Variants in GRID2 observed in about 807,000 individuals in gnomAD.
GRID2 encodes the protein glutamate receptor ionotropic, delta-2.
GRID2 carries 33 observed loss-of-function variants against 114.8 expected under a neutral mutation model. The observed-to-expected ratio is 0.29, with a 90% confidence interval of 0.22 to 0.38. The LOEUF (loss-of-function observed/expected upper bound fraction) is 0.38, where lower values mean the gene tolerates loss of function less well. Ranked by LOEUF, GRID2 falls within the 10% of genes least tolerant of loss-of-function variation. The probability of loss-of-function intolerance (pLI) is 1.00; values close to 1 mark genes in which losing one functional copy is unlikely to be tolerated. For missense variants in GRID2, 1,184 were observed against 1,257.7 expected, an observed-to-expected ratio of 0.94 and a Z score of 0.89; for synonymous variants, 505 against 449.9, an observed-to-expected ratio of 1.12 and a Z score of -1.55.
At chr4:92,485,057 ATTG>A (rs1216729553) in intron 1 of GRID2, among the ~76,000 whole-genome samples, 2 of 151,212 alleles carry the variant, frequency 1.3e-5, no homozygotes, top group African/African-American at 4.9e-5. Flanking sequence ...TCATTTTGTT[ATTG>A]TTATTTTTAT....
At chr4:92,982,971 G>C (rs1754306544) in intron 2 of GRID2, among the ~76,000 whole-genome samples, 2 of 151,930 alleles carry the variant, frequency 1.3e-5, no homozygotes, top group South Asian at 4.2e-4. Context: ...TATTGCCAAT[G>C]CCAAAAAATA....
At chr4:92,526,270 C>G (rs1215224627) in intron 1 of GRID2, among the ~76,000 whole-genome samples, 1 of 152,094 alleles carries the variant, frequency 6.6e-6, no homozygotes, top group Non-Finnish European at 1.5e-5. Flanking sequence ...AGAATACTAT[C>G]AACACAGCCC....
chr4:92,796,817 C>G (rs1739901946), intron 2 of GRID2, among the ~76,000 whole-genome samples: 1 of 151,744 alleles, frequency 6.6e-6, no homozygotes, highest in Non-Finnish European at 1.5e-5. Context: ...AGACTTTTCC[C>G]CTTCCTCGTC....
intron 1 of GRID2, among the ~76,000 whole-genome samples, chr4:92,537,079 ACTC>A (rs1725673571): frequency 6.6e-6 from 1 of 152,022 alleles, no homozygotes; most frequent in Non-Finnish European, 1.5e-5. Context: ...ATGAATTTAC[ACTC>A]CTCCTCTTTA....
At chr4:92,757,697 T>C (rs935765268) in intron 2 of GRID2, among the ~76,000 whole-genome samples, 6 of 151,910 alleles carry the variant, frequency 3.9e-5, no homozygotes, top group African/African-American at 1.4e-4. Flanking sequence ...CAGAGTTAAT[T>C]TGAGGAGGAA....
intron 2 of GRID2, among the ~76,000 whole-genome samples, chr4:92,752,346 A>G (rs62310232): frequency 0.086 from 13,066 of 152,236 alleles, 635 homozygotes; most frequent in African/African-American, 0.13. Context: ...TGAACACAGT[A>G]AACCAATGAA....
intron 13 of GRID2, among the ~76,000 whole-genome samples, chr4:93,585,083 T>A (rs1224835981): frequency 6.6e-6 from 1 of 152,106 alleles, no homozygotes; most frequent in African/African-American, 2.4e-5. Flanking sequence ...ACCTTGAGCA[T>A]CCCAAAAAAC....
At chr4:93,206,865 G>A (rs1742858045) in intron 4 of GRID2, among the ~76,000 whole-genome samples, 1 of 151,898 alleles carries the variant, frequency 6.6e-6, no homozygotes, top group South Asian at 2.1e-4. Context: ...GATAATTTTA[G>A]AATAGATCAC....
chr4:93,784,485 G>C (rs1016233461), intron 1 of GRID2, among the ~76,000 whole-genome samples: 1 of 152,082 alleles, frequency 6.6e-6, no homozygotes, highest in African/African-American at 2.4e-5. Context: ...TAAAAGCAAT[G>C]CACAAAAAGG....
chr4:92,795,060 T>C (rs1219232082), intron 2 of GRID2, among the ~76,000 whole-genome samples: 1 of 151,428 alleles, frequency 6.6e-6, no homozygotes, highest in East Asian at 2.0e-4. Flanking sequence ...CTCATCATCT[T>C]CACATTGAAA....
intron 4 of GRID2, among the ~76,000 whole-genome samples, chr4:93,121,258 C>T (rs1032177325): frequency 1.3e-5 from 2 of 152,156 alleles, no homozygotes; most frequent in South Asian, 2.1e-4. Flanking sequence ...AACAAATTTC[C>T]GTGTGACCAT....
At chr4:93,561,129 G>A (rs1432070214) in intron 13 of GRID2, among the ~76,000 whole-genome samples, 1 of 152,070 alleles carries the variant, frequency 6.6e-6, no homozygotes, top group Non-Finnish European at 1.5e-5. Context: ...GGGGGAGTCA[G>A]ATAATGGAAT....
chr4:93,083,444 C>G (rs1344234785), intron 2 of GRID2, among the ~76,000 whole-genome samples: 1 of 152,030 alleles, frequency 6.6e-6, no homozygotes, highest in Non-Finnish European at 1.5e-5. Context: ...CCTGTAATCT[C>G]ATCACTTTGG....
Position 93,735,695 on chromosome 4 carries a change from A to G in GRID2, c.2361-33515A>G, listed in dbSNP as rs182292137. Among the ~76,000 whole-genome samples, 13 of 152,208 alleles carry G rather than the reference A, an allele frequency of 8.5e-5. No individual in the cohort carries two copies. In the East Asian group the frequency reaches 2.5e-3, roughly 29 times the overall value. The stretch of plus-strand genomic sequence containing the variant: ...CTTTAGGGCAATGTTGACATTGGCT[A>G]GTCAATAAAATAATGTTTTCTTCTG... On this transcript the variant is annotated intron_variant, in intron 14 of 15. Transcript: ENST00000282020.
intron 2 of GRID2, among the ~76,000 whole-genome samples, chr4:92,613,147 T>C (rs191376615): frequency 7.6e-4 from 115 of 151,580 alleles, no homozygotes; most frequent in Admixed American, 5.9e-3. Context: ...TGCTGAGTTT[T>C]TTGAAATACT....
intron 2 of GRID2, among the ~76,000 whole-genome samples, chr4:92,752,656 A>G (rs1737509094): frequency 6.6e-6 from 1 of 152,192 alleles, no homozygotes; most frequent in African/African-American, 2.4e-5. Context: ...AATAGTACAG[A>G]TCGTAATATG....
intron 13 of GRID2, among the ~76,000 whole-genome samples, chr4:93,623,596 C>A (rs1742414731): frequency 6.6e-6 from 1 of 152,116 alleles, no homozygotes; most frequent in African/African-American, 2.4e-5. Flanking sequence ...AAATGTCCAA[C>A]AATGATAGAC....
intron 1 of GRID2, among the ~76,000 whole-genome samples, chr4:92,453,253 G>A (rs1172368108): frequency 6.6e-6 from 1 of 152,050 alleles, no homozygotes; most frequent in Non-Finnish European, 1.5e-5. Flanking sequence ...AGGAGAGTTG[G>A]ACTGACAGAA....
intron 1 of GRID2, among the ~76,000 whole-genome samples, chr4:92,586,485 T>C (rs1174470517): frequency 3.3e-5 from 5 of 151,884 alleles, no homozygotes; most frequent in Admixed American, 3.3e-4. Flanking sequence ...AGTATATGTA[T>C]TTTGGGAATA....
Sources: gnomAD v4.1 joint callset for allele counts (sites outside exome capture counted in the v4.1 genomes callset) on GRCh38, gnomAD v4.1.1 for gene constraint, MANE v1.5 for transcripts, NCBI Gene and HGNC (gene_info 2026-07-23, HGNC 2026-07-21) for gene names.